Variants in CGNL1 observed in about 807,000 individuals in gnomAD.
CGNL1 encodes the protein cingulin like 1.
A neutral mutation model predicts 141.2 loss-of-function variants in CGNL1; 132 were observed. That is an observed-to-expected ratio of 0.93 (90% confidence interval 0.81 to 1.08). The LOEUF is 1.08. CGNL1 is among the 50% of genes least tolerant of loss of function. The probability of loss-of-function intolerance (pLI) is 0.00; values close to 1 mark genes in which losing one functional copy is unlikely to be tolerated. For synonymous variants in CGNL1, 690 were observed against 622.1 expected (o/e 1.11, Z -1.63); for missense variants, 1,870 against 1,588.6 (o/e 1.18, Z -3.01).
intron 1 of CGNL1, among the ~76,000 whole-genome samples, chr15:57,411,734 G>A (rs1056918341): frequency 4.6e-5 from 7 of 151,364 alleles, no homozygotes; most frequent in Admixed American, 1.3e-4. Flanking sequence ...ATGAGCCACC[G>A]CACCTGGCCC....
intron 11 of CGNL1, among the ~76,000 whole-genome samples, 198 bp from the exon 12 acceptor site, chr15:57,524,383 C>T (rs372408758): frequency 3.0e-4 from 46 of 152,332 alleles, no homozygotes; most frequent in African/African-American, 8.2e-4. Flanking sequence ...CTCCAAAGGA[C>T]GTGCCTGCTC....
chr15:57,474,706 T>C (rs543560636), intron 8 of CGNL1, among the ~76,000 whole-genome samples: 21 of 152,332 alleles, frequency 1.4e-4, no homozygotes, highest in African/African-American at 4.8e-4. Flanking sequence ...ATACATAATA[T>C]ATTGCTATAC....
At chr15:57,410,417 C>G (rs138042357) in intron 1 of CGNL1, among the ~76,000 whole-genome samples, 5 of 152,316 alleles carry the variant, frequency 3.3e-5, no homozygotes, top group Admixed American at 3.3e-4. Flanking sequence ...TACCCTTGGC[C>G]TTTTGACCTA....
chr15:57,517,895 C>T (rs16977567), intron 9 of CGNL1, among the ~76,000 whole-genome samples: 19,410 of 151,540 alleles, frequency 0.13, 1,813 homozygotes, highest in East Asian at 0.46. Context: ...AGCAGTCATC[C>T]ATCAGGACCA....
In CGNL1 at chr15:57,547,476, G is replaced by A. The variant is rs565314050; in HGVS notation, c.3895G>A (p.Ala1299Thr). 7.3e-5 allele frequency: 118 copies of A among 1,613,920 alleles called. 1 individual carries two copies. Among genetic ancestry groups the A allele is most frequent in the South Asian group, 4.2e-4 (38 of 91,012 alleles). ...CACATTCTCCAAGGACAGCACCGTC[G>A]CCAGCCAGATCTGAGTGCTCTCCCG... ...SYTFSKDSTV[A>T]SQI The change falls in exon 19 of 19, where the codon GCC (alanine) becomes ACC (threonine). Residue 1299 changes from alanine to threonine, a missense_variant. Coordinates refer to ENST00000281282, the MANE Select transcript of CGNL1 (RefSeq NM_032866.5).
chr15:57,473,899 C>CTTTT lies in CGNL1; in HGVS notation c.2403+12030_2403+12033dup, dbSNP rs59761174. Among the ~76,000 whole-genome samples, 108 of 70,672 alleles carry CTTTT rather than the reference C, an allele frequency of 1.5e-3. 1 individual carries two copies. Among genetic ancestry groups the CTTTT allele is most frequent in the East Asian group, 5.4e-3 (6 of 1,114 alleles). The allele number at this position is 70,672 out of a possible 152,430, so 46.4% of individuals were successfully genotyped here. A position where few individuals can be genotyped will look rare whatever the true frequency, so the allele number is the denominator to read the frequency against. On this transcript the variant is annotated intron_variant, in intron 8 of 18. Coordinates refer to ENST00000281282, the MANE Select transcript of CGNL1 (RefSeq NM_032866.5). ...ACTTCTTCTTCTTCTTCTTCTTCTT[C>CTTTT]TTTTTTTTTTTTTTTTTTTTTTTTT...
chr15:57,523,533 G>C lies in CGNL1; in HGVS notation c.2760G>C (p.Glu920Asp), dbSNP rs1217907607. 1.9e-6 allele frequency: 3 copies of C among 1,614,110 alleles called. No individual in the cohort carries two copies. The highest frequency in any genetic ancestry group is 3.3e-5 in the Admixed American group (2 of 60,016). ...QTTQEQKQLS[E>D]KLKEESEQKE... ...CCCAGGAGCAGAAGCAGTTGTCTGA[G>C]AAGCTCAAAGAGGAGAGTGAGCAGA... The change falls in exon 11 of 19, where the codon GAG becomes GAC. Residue 920 changes from glutamate (E) to aspartate (D), a missense_variant. Physicochemically the swap from Glu to Asp is conservative, Grantham distance 45. Coordinates refer to ENST00000281282, the MANE Select transcript of CGNL1 (RefSeq NM_032866.5).
chr15:57,468,559 CGTGTGTGT>C lies in CGNL1; in HGVS notation c.2403+6692_2403+6699del, dbSNP rs67758921. Among the ~76,000 whole-genome samples, 71 of 145,952 alleles carry C rather than the reference CGTGTGTGT, an allele frequency of 4.9e-4. 1 individual carries two copies. The highest frequency in any genetic ancestry group is 1.6e-3 in the South Asian group (7 of 4,512). ...GAAGTTTTCTTTGGTAAAAAGTTTG[CGTGTGTGT>C]GTGTGTGTGTGTGTGTGTGTGTGTT... On this transcript the variant is annotated intron_variant, in intron 8 of 18. Transcript: ENST00000281282.
intron 1 of CGNL1, among the ~76,000 whole-genome samples, chr15:57,423,459 C>G (rs549466640): frequency 6.6e-6 from 1 of 151,818 alleles, no homozygotes; most frequent in South Asian, 2.1e-4. Flanking sequence ...ACGTTAATTT[C>G]TGCATGATTA....
intron 1 of CGNL1, among the ~76,000 whole-genome samples, chr15:57,393,644 T>G (rs536052160): frequency 9.7e-4 from 148 of 151,812 alleles, no homozygotes; most frequent in Non-Finnish European, 1.8e-3. Context: ...TGTTCCAGAG[T>G]AGCCCCGAGT....
rs1466571340 is a variant in CGNL1, at chr15:57,538,564, CA to C, written c.3292-5131del. ...CTGTGGGGACCCTTGGGGATGCTGC[CA>C]TGCTAAGTGCTGCTCTGCACAGGGA... On this transcript the variant is annotated intron_variant, in intron 14 of 18. Coordinates refer to ENST00000281282, the MANE Select transcript of CGNL1 (RefSeq NM_032866.5). Among the ~76,000 whole-genome samples, 3 of 152,306 alleles carry C rather than the reference CA, an allele frequency of 2.0e-5. No homozygotes were observed. In the East Asian group the frequency reaches 5.8e-4, roughly 29 times the overall value.
rs982837808 is a variant in CGNL1 at position 57,439,442 on chromosome 15, G to T, written c.1443G>T (p.Val481=). ...CCGAAGGTAGTCAGGAAAGTACAGT[G>T]ATCCGTGCGCCCTCCCTTGGTGCAC... The part of the protein sequence containing the change: ...LETEGSQEST[V]IRAPSLGAQS... Residue 481 remains valine (V), a synonymous_variant, in exon 2 of 19, where the codon GTG becomes GTT. Transcript: ENST00000281282. 1.2e-6 allele frequency: 2 copies of T among 1,614,100 alleles called. No individual in the cohort carries two copies. Among genetic ancestry groups the T allele is most frequent in the Non-Finnish European group, 1.7e-6 (2 of 1,180,040 alleles).
intron 8 of CGNL1, among the ~76,000 whole-genome samples, chr15:57,506,702 G>A (rs2064108133): frequency 6.6e-6 from 1 of 152,158 alleles, no homozygotes; most frequent in African/African-American, 2.4e-5. Flanking sequence ...CAGAGAACCG[G>A]GTTCAAGTCC....
intron 8 of CGNL1, among the ~76,000 whole-genome samples, chr15:57,504,121 G>C (rs1452037316): frequency 6.6e-6 from 1 of 152,170 alleles, no homozygotes; most frequent in Non-Finnish European, 1.5e-5. Flanking sequence ...GCAGGGTGAT[G>C]ATGATGATAA....
chr15:57,442,287 C>T, intron 3 of CGNL1, 86 bp from the exon 4 acceptor site: 1 of 720,382 alleles, frequency 1.4e-6, no homozygotes, highest in Non-Finnish European at 2.4e-6. Flanking sequence ...CCTTAAAGGA[C>T]CTGTTGGGTG....
chr15:57,425,569 C>T (rs1222092701), intron 1 of CGNL1, among the ~76,000 whole-genome samples: 1 of 151,822 alleles, frequency 6.6e-6, no homozygotes, highest in African/African-American at 2.4e-5. Context: ...ATGGTGAAAC[C>T]ATCTCTACTA....
At chr15:57,465,904 AGGTATTCC>A (rs1489433323) in intron 8 of CGNL1, among the ~76,000 whole-genome samples, 5 of 152,252 alleles carry the variant, frequency 3.3e-5, no homozygotes, top group Admixed American at 3.3e-4. Flanking sequence ...AATGTTGTAC[AGGTATTCC>A]AAACAGATAA....
At chr15:57,398,978 GT>G (rs1413104905) in intron 1 of CGNL1, among the ~76,000 whole-genome samples, 1 of 152,084 alleles carries the variant, frequency 6.6e-6, no homozygotes, top group Non-Finnish European at 1.5e-5. Context: ...TTCCTTTTGA[GT>G]TGGCACATAA....
chr15:57,430,870 G>A (rs1051503059), intron 1 of CGNL1, among the ~76,000 whole-genome samples: 3 of 152,174 alleles, frequency 2.0e-5, no homozygotes, highest in African/African-American at 2.4e-5. Flanking sequence ...ATAGGTGACC[G>A]CCACCATGGC....
Sources: allele counts gnomAD v4.1 joint callset (sites outside exome capture counted in the v4.1 genomes callset), GRCh38; gene constraint gnomAD v4.1.1; transcripts MANE v1.5; gene names NCBI Gene and HGNC (gene_info 2026-07-23, HGNC 2026-07-21).